The following EPC2 variants were observed in gnomAD, a reference collection of about 807,000 sequenced individuals.
EPC2 encodes the protein enhancer of polycomb 2, also known as enhancer of polycomb homolog 2.
In EPC2, 14 loss-of-function variants were observed where a neutral mutation model predicts 92.1. That is an observed-to-expected ratio of 0.15 (90% CI 0.10 to 0.24). EPC2 has a LOEUF of 0.24. Among genes scored for constraint, EPC2 ranks in the 10% least tolerant of loss-of-function variants. The pLI, the probability that EPC2 is intolerant of heterozygous loss-of-function variation, is 1.00. For missense variants in EPC2, 755 were observed against 971.5 expected, an observed-to-expected ratio of 0.78 and a Z score of 2.96; for synonymous variants, 340 against 334.7, an observed-to-expected ratio of 1.02 and a Z score of -0.17.
Position 148,743,760 on chromosome 2 carries a change from C to G in EPC2, c.452C>G (p.Ser151Cys), listed in dbSNP as rs1343313831. Residue 151 changes from serine (S) to cysteine (C), a missense_variant, in exon 3 of 14, where the codon TCT becomes TGT. Coordinates refer to ENST00000258484, the MANE Select transcript of EPC2 (RefSeq NM_015630.4). ...IMIDRLEKAS[S>C]NQLVTLQEAK... ...ATTGACAGACTTGAAAAAGCCAGTTCTAATCAGGTACTGTACCATGTAAAG... is the reference window on the plus strand; with the variant it reads ...ATTGACAGACTTGAAAAAGCCAGTTGTAATCAGGTACTGTACCATGTAAAG... 1.9e-6 allele frequency: 3 copies of G among 1,597,562 alleles called. No homozygotes were observed. The highest frequency in any genetic ancestry group is 1.7e-4 in the Middle Eastern group (1 of 5,998).
Position 148,786,570 on chromosome 2 carries a change from T to C in EPC2, c.*193T>C. On this transcript the variant is annotated 3_prime_UTR_variant, in exon 14 of 14. Coordinates refer to ENST00000258484, the MANE Select transcript of EPC2 (RefSeq NM_015630.4). Reference sequence around the variant, plus strand: ...AAAATCACTACCTTGTAAAATAGTTTATTTGTATCATCAATATTATTTCTG... The same window carrying C: ...AAAATCACTACCTTGTAAAATAGTTCATTTGTATCATCAATATTATTTCTG... The C allele has an allele frequency of 2.2e-6, 1 of 456,776 alleles. No homozygotes were observed. The highest frequency in any genetic ancestry group is 4.0e-6 in the Non-Finnish European group (1 of 251,364). The allele number at this position is 456,776 out of a possible 1,614,324, so 28.3% of individuals were successfully genotyped here.
At chr2:148,704,614 G>A (rs770702240) in intron 2 of EPC2, among the ~76,000 whole-genome samples, 15 of 152,182 alleles carry the variant, frequency 9.9e-5, no homozygotes, top group Non-Finnish European at 1.8e-4. Flanking sequence ...GAGTCACAGT[G>A]AGTATCAAGT....
intron 2 of EPC2, among the ~76,000 whole-genome samples, chr2:148,702,854 T>C (rs1681917189): frequency 1.3e-5 from 2 of 152,146 alleles, no homozygotes; most frequent in East Asian, 3.9e-4. Flanking sequence ...TTCTTTAAGC[T>C]CATCAGGCTA....
chr2:148,759,193 A>G (rs572195618), intron 4 of EPC2, among the ~76,000 whole-genome samples: 1 of 152,294 alleles, frequency 6.6e-6, no homozygotes, highest in East Asian at 1.9e-4. Flanking sequence ...CCTGGGATCA[A>G]GCGATTCTCC....
At chr2:148,696,864 A>G (rs1051207166) in intron 2 of EPC2, among the ~76,000 whole-genome samples, 1 of 152,228 alleles carries the variant, frequency 6.6e-6, no homozygotes, top group African/African-American at 2.4e-5. Flanking sequence ...CTTACTCAGT[A>G]ACATAATTCC....
intron 1 of EPC2, among the ~76,000 whole-genome samples, chr2:148,660,546 T>C (rs941359126): frequency 6.6e-6 from 1 of 152,130 alleles, no homozygotes; most frequent in East Asian, 1.9e-4. Context: ...CAGTTCCATA[T>C]TGAGGGAAAT....
intron 2 of EPC2, among the ~76,000 whole-genome samples, chr2:148,693,282 G>T (rs1681679226): frequency 1.3e-5 from 2 of 152,146 alleles, no homozygotes; most frequent in South Asian, 4.1e-4. Context: ...ACATTGTAAA[G>T]TTGCCACAGT....
At position 148,769,953 on chromosome 2, in the gene EPC2, T is replaced by C. The variant is rs1439970769; in HGVS notation, c.1230+713T>C. On this transcript the variant is annotated intron_variant, in intron 8 of 13. Coordinates refer to ENST00000258484, the MANE Select transcript of EPC2 (RefSeq NM_015630.4). ...GTTATGTTGATGAGAGAAGGGAAAA[T>C]TCTTAACGAAAGGGGACAGACAGCA... is the stretch of plus-strand genomic sequence containing the variant. Among the ~76,000 whole-genome samples the C allele has an allele frequency of 2.6e-5, 4 of 152,164 alleles. No homozygotes were observed. The East Asian group carries it at 5.8e-4, about 22-fold the overall frequency.
At chr2:148,677,162 G>A (rs538483155) in intron 1 of EPC2, among the ~76,000 whole-genome samples, 2 of 152,212 alleles carry the variant, frequency 1.3e-5, no homozygotes, top group Admixed American at 6.5e-5. Context: ...AACGTTTACT[G>A]TATTTTCTTC....
intron 8 of EPC2, among the ~76,000 whole-genome samples, chr2:148,769,973 A>T (rs1034205673): frequency 1.3e-5 from 2 of 152,182 alleles, no homozygotes; most frequent in African/African-American, 4.8e-5. Flanking sequence ...AAGGGGACAG[A>T]CAGCATGATA....
At chr2:148,748,750 G>C (rs187436576) in intron 3 of EPC2, among the ~76,000 whole-genome samples, 2 of 152,074 alleles carry the variant, frequency 1.3e-5, no homozygotes, top group Admixed American at 6.5e-5. Context: ...ACTGCATTTT[G>C]ATTGTGATCT....
intron 2 of EPC2, among the ~76,000 whole-genome samples, chr2:148,734,348 A>G (rs1385416124): frequency 6.6e-6 from 1 of 152,152 alleles, no homozygotes; most frequent in African/African-American, 2.4e-5. Context: ...GTTAACCTTC[A>G]GAGAGGCAGA....
intron 1 of EPC2, among the ~76,000 whole-genome samples, chr2:148,657,886 G>T (rs935327446): frequency 2.3e-4 from 34 of 147,166 alleles, no homozygotes; most frequent in Non-Finnish European, 5.0e-4. Flanking sequence ...CACTCATTTT[G>T]TGTGTGTGTG....
intron 2 of EPC2, among the ~76,000 whole-genome samples, chr2:148,726,494 G>T (rs187714976): frequency 1.3e-5 from 2 of 152,214 alleles, no homozygotes; most frequent in East Asian, 3.9e-4. Context: ...TTTGATAGTG[G>T]CCATCCTAAC....
chr2:148,699,616 G>A (rs529690911), intron 2 of EPC2, among the ~76,000 whole-genome samples: 4 of 152,118 alleles, frequency 2.6e-5, no homozygotes, highest in South Asian at 4.2e-4. Context: ...TTATTATATG[G>A]CTATATCACA....
intron 12 of EPC2, 32 bp downstream of exon 12, chr2:148,783,788 T>C (rs931225050): frequency 1.3e-6 from 2 of 1,559,516 alleles, no homozygotes; most frequent in African/African-American, 1.4e-5. Context: ...GTACCTACTT[T>C]CTTGAAGTTG....
intron 4 of EPC2, among the ~76,000 whole-genome samples, chr2:148,759,971 A>G (rs1387961057): frequency 6.6e-6 from 1 of 152,052 alleles, no homozygotes; most frequent in Non-Finnish European, 1.5e-5. Flanking sequence ...GGCTGGGGGC[A>G]GTGGCTCATG....
chr2:148,679,737 C>T (rs1266925246), intron 1 of EPC2, among the ~76,000 whole-genome samples: 1 of 152,162 alleles, frequency 6.6e-6, no homozygotes, highest in Non-Finnish European at 1.5e-5. Flanking sequence ...CCTCCCATTC[C>T]TGCGCTCAAG....
chr2:148,706,695 A>G (rs1464969412), intron 2 of EPC2, among the ~76,000 whole-genome samples: 3 of 152,226 alleles, frequency 2.0e-5, no homozygotes, highest in Admixed American at 6.5e-5. Flanking sequence ...CCAATATTCA[A>G]CATTCTTAAA....
Sources: allele counts gnomAD v4.1 joint callset (sites outside exome capture counted in the v4.1 genomes callset), GRCh38; gene constraint gnomAD v4.1.1; transcripts MANE v1.5; gene names NCBI Gene and HGNC (gene_info 2026-07-23, HGNC 2026-07-21).